Variants in CLXN observed in about 807,000 individuals in gnomAD.
CLXN encodes EF-hand calcium binding domain 1.
the CLXN span, among the ~76,000 whole-genome samples, chr8:48,719,588 T>A: frequency 6.6e-6 from 1 of 152,168 alleles, no homozygotes; most frequent in Non-Finnish European, 1.5e-5. Flanking sequence ...GTGGAATTCA[T>A]CCCTGGGATG....
chr8:48,732,865 T>C, the CLXN span, among the ~76,000 whole-genome samples: 2 of 152,106 alleles, frequency 1.3e-5, no homozygotes, highest in African/African-American at 2.4e-5. Context: ...AGGACACATA[T>C]TGTATGATTC....
At chr8:48,730,372 T>C in the CLXN span, among the ~76,000 whole-genome samples, 1,506 of 152,336 alleles carry the variant, frequency 9.9e-3, 25 homozygotes, top group African/African-American at 0.035. Flanking sequence ...CTTTCTTTCA[T>C]ATTTTATTGA....
At chr8:48,729,808 A>AT in the CLXN span, 1 of 1,613,544 alleles carries the variant, frequency 6.2e-7, no homozygotes, top group Non-Finnish European at 8.5e-7. Context: ...GTTCTTCAAC[A>AT]TGTGAAACAT....
At chr8:48,722,644 G>A in the CLXN span, among the ~76,000 whole-genome samples, 3 of 151,960 alleles carry the variant, frequency 2.0e-5, no homozygotes, top group East Asian at 1.9e-4. Context: ...TTACTGCCCC[G>A]TGCATTGCAG....
chr8:48,735,168 A>G, the CLXN span: 6 of 1,613,678 alleles, frequency 3.7e-6, no homozygotes, highest in Non-Finnish European at 2.5e-6. Flanking sequence ...CGCTCAGAGA[A>G]TCGGGCCGCG....
the CLXN span, chr8:48,731,450 C>T: frequency 6.2e-7 from 1 of 1,613,396 alleles, no homozygotes; most frequent in Non-Finnish European, 8.5e-7. Context: ...CTCTCTACTC[C>T]TCCCACCAAG....
At chr8:48,718,835 C>T in the CLXN span, among the ~76,000 whole-genome samples, 1 of 151,902 alleles carries the variant, frequency 6.6e-6, no homozygotes, top group Admixed American at 6.6e-5. Context: ...TGATAAATGT[C>T]TACTTTAAAA....
chr8:48,720,958 G>T, the CLXN span, among the ~76,000 whole-genome samples: 3 of 152,068 alleles, frequency 2.0e-5, no homozygotes, highest in Admixed American at 2.0e-4. Flanking sequence ...TTGGGGGCAG[G>T]TTCCCCCAAT....
At chr8:48,717,547 T>C in the CLXN span, among the ~76,000 whole-genome samples, 1 of 152,128 alleles carries the variant, frequency 6.6e-6, no homozygotes, top group Non-Finnish European at 1.5e-5. Flanking sequence ...GTTCTTCAAT[T>C]TGAAATAAAA....
At chr8:48,713,449 A>G in the CLXN span, among the ~76,000 whole-genome samples, 1 of 152,156 alleles carries the variant, frequency 6.6e-6, no homozygotes, top group African/African-American at 2.4e-5. Context: ...GGGTCAGGAA[A>G]AGCACGGGAG....
chr8:48,720,977 C>G, the CLXN span, among the ~76,000 whole-genome samples: 2 of 152,142 alleles, frequency 1.3e-5, no homozygotes, highest in African/African-American at 2.4e-5. Context: ...ATAAAGCATC[C>G]AAGTTAGAGA....
the CLXN span, chr8:48,729,620 G>A: frequency 8.8e-6 from 10 of 1,130,060 alleles, no homozygotes; most frequent in East Asian, 2.3e-4. Flanking sequence ...TTTTATTTAA[G>A]CAAGCAGAGA....
At chr8:48,727,708 G>A in the CLXN span, among the ~76,000 whole-genome samples, 2 of 152,142 alleles carry the variant, frequency 1.3e-5, no homozygotes, top group African/African-American at 4.8e-5. Context: ...AGCATGGGAG[G>A]GGCCTGGCAG....
the CLXN span, among the ~76,000 whole-genome samples, chr8:48,714,626 A>C: frequency 6.6e-6 from 1 of 152,228 alleles, no homozygotes; most frequent in African/African-American, 2.4e-5. Context: ...ATAAATTAAA[A>C]TCATGCTCAT....
chr8:48,716,771 G>GA, the CLXN span, among the ~76,000 whole-genome samples: 387 of 143,580 alleles, frequency 2.7e-3, 2 homozygotes, highest in African/African-American at 6.8e-3. Context: ...GGAGAAAAAG[G>GA]AAAAAAAAAA....
chr8:48,734,435 T>TA, the CLXN span: 1 of 152,196 alleles, frequency 6.6e-6, no homozygotes, highest in African/African-American at 2.4e-5. Context: ...GCAGGTGCCT[T>TA]CAAATAGGGC....
At chr8:48,713,437 CAGGG>C in the CLXN span, among the ~76,000 whole-genome samples, 1 of 152,148 alleles carries the variant, frequency 6.6e-6, no homozygotes, top group Non-Finnish European at 1.5e-5. Context: ...AGATAAGACA[CAGGG>C]TCAGGAAAAG....
chr8:48,715,619 T>C, the CLXN span: 1 of 152,216 alleles, frequency 6.6e-6, no homozygotes, highest in East Asian at 1.9e-4. Context: ...CCACAGTTTT[T>C]ATGACTGATG....
the CLXN span, among the ~76,000 whole-genome samples, chr8:48,718,230 A>G: frequency 6.6e-6 from 1 of 152,196 alleles, no homozygotes; most frequent in African/African-American, 2.4e-5. Context: ...AATTATCTTA[A>G]GACAAAGGAC....
Sources: allele counts gnomAD v4.1 joint callset (sites outside exome capture counted in the v4.1 genomes callset), GRCh38; gene constraint gnomAD v4.1.1; transcripts MANE v1.5; gene names NCBI Gene and HGNC (gene_info 2026-07-23, HGNC 2026-07-21).